Variants in OTUB2 observed in about 807,000 individuals in gnomAD.
OTUB2 encodes the protein OTU deubiquitinase, ubiquitin aldehyde binding 2, also known as ubiquitin thioesterase OTUB2.
Under a neutral mutation model 25.1 loss-of-function variants are expected in OTUB2, and 21 were observed. The ratio of observed to expected loss-of-function variants is 0.84; its 90% confidence interval spans 0.59 to 1.21. The LOEUF is 1.21. Ranked by LOEUF, OTUB2 falls within the 50% of genes most tolerant of loss-of-function variation. The probability of loss-of-function intolerance (pLI) is 0.00; values close to 1 mark genes in which losing one functional copy is unlikely to be tolerated. For missense variants in OTUB2, 283 were observed against 298.0 expected, an observed-to-expected ratio of 0.95 and a Z score of 0.37; for synonymous variants, 122 against 122.8, an observed-to-expected ratio of 0.99 and a Z score of 0.04.
chr14:94,032,140 C>T (rs941252461), intron 1 of OTUB2, among the ~76,000 whole-genome samples: 3 of 152,090 alleles, frequency 2.0e-5, no homozygotes, highest in African/African-American at 7.2e-5. Flanking sequence ...CTGGAGGTGC[C>T]AGGTGGGGAC....
intron 2 of OTUB2, among the ~76,000 whole-genome samples, chr14:94,037,689 C>T (rs1595366862): frequency 6.7e-6 from 1 of 150,320 alleles, no homozygotes; most frequent in South Asian, 2.1e-4. Flanking sequence ...AAAAGTTTAG[C>T]ACTATCCTAA....
intron 1 of OTUB2, among the ~76,000 whole-genome samples, chr14:94,030,639 T>C (rs1430291619): frequency 6.6e-6 from 1 of 152,102 alleles, no homozygotes; most frequent in Admixed American, 6.5e-5. Flanking sequence ...AGAAGGGACA[T>C]GTAGCAGGCT....
At position 94,044,666 on chromosome 14, in the gene OTUB2, G is replaced by C; in HGVS notation, c.384G>C (p.Ser128=). The C allele has an allele frequency of 1.2e-6, 2 of 1,614,138 alleles. No individual in the cohort carries two copies. Among genetic ancestry groups the C allele is most frequent in the Non-Finnish European group, 1.7e-6 (2 of 1,180,036 alleles). The change falls in exon 5 of 6, where the codon TCG becomes TCC. Residue 128 remains serine (S), a synonymous_variant. Coordinates refer to ENST00000203664, the MANE Select transcript of OTUB2 (RefSeq NM_023112.4). ...LLKVFNDQSA[S]DHIVQFLRLL... Reference sequence around the variant, plus strand: ...AGGTGTTCAACGACCAGAGTGCCTCGGACCACATCGTGCAGTTCCTGCGCC... The same window carrying C: ...AGGTGTTCAACGACCAGAGTGCCTCCGACCACATCGTGCAGTTCCTGCGCC...
Position 94,039,051 on chromosome 14 carries a change from C to T in OTUB2, c.188C>T (p.Ser63Phe). 6.2e-7 allele frequency: 1 copy of T among 1,614,148 alleles called. No homozygotes were observed. Among genetic ancestry groups the T allele is most frequent in the Non-Finnish European group, 8.5e-7 (1 of 1,180,014 alleles). Residue 63 changes from serine to phenylalanine, a missense_variant, in exon 3 of 6, where the codon TCC becomes TTC. Ser to Phe is a radical substitution (Grantham distance 155). Transcript: ENST00000203664. ...GCCTTGGGCTATTCCTACCTGGAGTCCCTGCTGGGGAAGAGCAGGGAGATC... is the reference window on the plus strand; with the variant it reads ...GCCTTGGGCTATTCCTACCTGGAGTTCCTGCTGGGGAAGAGCAGGGAGATC... The part of the protein sequence containing the change: ...YRALGYSYLE[S>F]LLGKSREIFK...
chr14:94,037,455 A>G lies in OTUB2; in HGVS notation c.79A>G (p.Ile27Val). The change falls in exon 2 of 6, where the codon ATT (isoleucine) becomes GTT (valine). Residue 27 changes from isoleucine (I) to valine (V), a missense_variant. Coordinates refer to ENST00000203664, the MANE Select transcript of OTUB2 (RefSeq NM_023112.4). ...TCTTCGGGACCATCCTGAAAACAGG[A>G]TTTACCGGAGGAAAATCGAGGTGAG... ...SILRDHPENR[I>V]YRRKIEELSK... 6.2e-7 allele frequency: 1 copy of G among 1,603,012 alleles called. No homozygotes were observed. Among genetic ancestry groups the G allele is most frequent in the Non-Finnish European group, 8.5e-7 (1 of 1,170,314 alleles).
intron 3 of OTUB2, among the ~76,000 whole-genome samples, 189 bp from the exon 4 acceptor site, chr14:94,043,782 C>G (rs534669723): frequency 2.6e-5 from 4 of 152,184 alleles, no homozygotes; most frequent in African/African-American, 9.7e-5. Flanking sequence ...GCCACCAGGG[C>G]CCGGCAGGGC....
chr14:94,039,142 G>C lies in OTUB2; in HGVS notation c.218+61G>C, dbSNP rs565171802. 1.3e-5 allele frequency: 18 copies of C among 1,335,774 alleles called. No individual in the cohort carries two copies. In the East Asian group the frequency reaches 3.7e-4, roughly 27 times the overall value. The allele number at this position is 1,335,774 out of a possible 1,614,324, so 82.7% of individuals were successfully genotyped here. A position where few individuals can be genotyped will look rare whatever the true frequency, so the allele number is the denominator to read the frequency against. On this transcript the variant is annotated intron_variant, in intron 3 of 5. Coordinates refer to ENST00000203664, the MANE Select transcript of OTUB2 (RefSeq NM_023112.4). ...GTTCTCTGTGCTAGGTCAGCCTCAA[G>C]TCTCTCGGAGGTTTTCGTTACACTC...
chr14:94,043,444 C>CA (rs753469740), intron 3 of OTUB2, among the ~76,000 whole-genome samples: 18 of 152,314 alleles, frequency 1.2e-4, no homozygotes, highest in Non-Finnish European at 2.1e-4. Flanking sequence ...CTGAGGGCAC[C>CA]AGGACAGGTC....
rs547198343 is a variant in OTUB2 at position 94,026,451 on chromosome 14, G to A, written c.-87G>A. 3.9e-5 allele frequency: 52 copies of A among 1,316,866 alleles called. No individual in the cohort carries two copies. In the East Asian group the frequency reaches 1.2e-3, roughly 31 times the overall value. 81.6% of individuals were successfully genotyped at this position (1,316,866 alleles called of 1,614,324 possible). ...TCGAGGTCCCCGCCACCGAACCAGC[G>A]GCGGAGCCCGCCCGCGCCTCCCGCG... On this transcript the variant is annotated 5_prime_UTR_variant, in exon 1 of 6. Coordinates refer to ENST00000203664, the MANE Select transcript of OTUB2 (RefSeq NM_023112.4).
At chr14:94,044,852 C>A in intron 5 of OTUB2, 72 bp downstream of exon 5, 1 of 1,440,370 alleles carries the variant, frequency 6.9e-7, no homozygotes, top group East Asian at 2.4e-5. Context: ...CTTCAGCACC[C>A]ATCCGTAGCC....
At chr14:94,038,352 C>A (rs1020701718) in intron 2 of OTUB2, among the ~76,000 whole-genome samples, 1 of 152,236 alleles carries the variant, frequency 6.6e-6, no homozygotes, top group Non-Finnish European at 1.5e-5. Context: ...CCTGCCTCCC[C>A]ACTGCCAGCT....
intron 1 of OTUB2, among the ~76,000 whole-genome samples, chr14:94,029,286 A>G (rs1366130288): frequency 2.6e-5 from 4 of 152,166 alleles, no homozygotes; most frequent in Non-Finnish European, 5.9e-5. Flanking sequence ...GCAGTGTGTG[A>G]GCTTCCCAGG....
rs1181745770 is a variant in OTUB2 at position 94,045,894 on chromosome 14, A to G, written c.677A>G (p.Asn226Ser). 7 of 1,614,140 alleles carry G rather than the reference A, an allele frequency of 4.3e-6. No individual in the cohort carries two copies. The highest frequency in any genetic ancestry group is 5.9e-6 in the Non-Finnish European group (7 of 1,180,026). ...CTGCTCTATAAAACATCCCACTACA[A>G]CATCCTTTATGCAGCCGATAAACAT... Reference protein sequence around the residue: ...VYLLYKTSHYNILYAADKH With the variant: ...VYLLYKTSHYSILYAADKH Residue 226 changes from asparagine to serine, a missense_variant, in exon 6 of 6, where the codon AAC becomes AGC. Physicochemically the swap from Asn to Ser is conservative, Grantham distance 46. Transcript: ENST00000203664.
Position 94,026,493 on chromosome 14 carries a change from T to C in OTUB2, c.-45T>C. On this transcript the variant is annotated 5_prime_UTR_variant, in exon 1 of 6. Coordinates refer to ENST00000203664, the MANE Select transcript of OTUB2 (RefSeq NM_023112.4). Reference sequence around the variant, plus strand: ...CCTCCCGCGGCATTCCCGCACCGGATCGCTCCTCGCTGGGGCGGGACCTGG... The same window carrying C: ...CCTCCCGCGGCATTCCCGCACCGGACCGCTCCTCGCTGGGGCGGGACCTGG... 7.6e-7 allele frequency: 1 copy of C among 1,316,018 alleles called. No individual in the cohort carries two copies. The highest frequency in any genetic ancestry group is 9.7e-7 in the Non-Finnish European group (1 of 1,026,240). The allele number at this position is 1,316,018 out of a possible 1,614,324, so 81.5% of individuals were successfully genotyped here. A position where few individuals can be genotyped will look rare whatever the true frequency, so the allele number is the denominator to read the frequency against.
At position 94,026,529 on chromosome 14, in the gene OTUB2, C is replaced by A; in HGVS notation, c.-9C>A. Reference sequence around the variant, plus strand: ...TGGGGCGGGACCTGGCCTGGCGGCTCTGGTCACTATGGTCAGTGATCGTGG... The same window carrying A: ...TGGGGCGGGACCTGGCCTGGCGGCTATGGTCACTATGGTCAGTGATCGTGG... On this transcript the variant is annotated 5_prime_UTR_variant, in exon 1 of 6. In the 5' UTR this introduces an upstream ATG that the reference lacks. Coordinates refer to ENST00000203664, the MANE Select transcript of OTUB2 (RefSeq NM_023112.4). 1 of 1,263,638 alleles carries A rather than the reference C, an allele frequency of 7.9e-7. No individual in the cohort carries two copies. Among genetic ancestry groups the A allele is most frequent in the Non-Finnish European group, 1.0e-6 (1 of 998,908 alleles). 78.3% of individuals were successfully genotyped at this position (1,263,638 alleles called of 1,614,324 possible).
Position 94,041,891 on chromosome 14 carries a change from C to T in OTUB2, c.219-2080C>T, listed in dbSNP as rs556013489. ...TTGAACAGTGGCCATAGCCCTGTCA[C>T]GGACATTAAGTGATTGACTCGTGAG... On this transcript the variant is annotated intron_variant, in intron 3 of 5. Coordinates refer to ENST00000203664, the MANE Select transcript of OTUB2 (RefSeq NM_023112.4). Among the ~76,000 whole-genome samples the T allele has an allele frequency of 4.6e-5, 7 of 151,946 alleles. No individual in the cohort carries two copies. In the South Asian group the frequency reaches 1.2e-3, roughly 27 times the overall value.
intron 1 of OTUB2, among the ~76,000 whole-genome samples, chr14:94,030,502 G>A (rs1360527650): frequency 6.6e-6 from 1 of 152,070 alleles, no homozygotes; most frequent in Admixed American, 6.5e-5. Context: ...GATGCTGTAT[G>A]AGTCTAGGCA....
chr14:94,028,299 T>G (rs370833476), intron 1 of OTUB2, among the ~76,000 whole-genome samples: 2 of 152,246 alleles, frequency 1.3e-5, no homozygotes, highest in East Asian at 3.8e-4. Context: ...GGGACCATAC[T>G]GGGCCCTGTG....
At chr14:94,043,882 C>T (rs1885209000) in intron 3 of OTUB2, 89 bp from the exon 4 acceptor site, 23 of 1,185,694 alleles carry the variant, frequency 1.9e-5, no homozygotes, top group South Asian at 3.7e-5. Context: ...GGTTGGTGGG[C>T]GCAGTGGGTT....
Sources: gnomAD v4.1 joint callset for allele counts (sites outside exome capture counted in the v4.1 genomes callset) on GRCh38, gnomAD v4.1.1 for gene constraint, MANE v1.5 for transcripts, NCBI Gene and HGNC (gene_info 2026-07-23, HGNC 2026-07-21) for gene names.